The following MIB1 variants were observed in gnomAD, a reference collection of about 807,000 sequenced individuals.
MIB1 encodes the protein E3 ubiquitin-protein ligase MIB1.
A neutral mutation model predicts 124.5 loss-of-function variants in MIB1; 278 were observed. The ratio of observed to expected loss-of-function variants is 2.23; its 90% CI spans 2.02 to 2.47. MIB1 has a LOEUF of 2.47. MIB1 is among the 30% of genes most tolerant of loss of function. MIB1 has a pLI of 0.00. For missense variants in MIB1, 957 were observed against 1,254.4 expected (o/e 0.76, Z 3.58); for synonymous variants, 446 against 429.4 (o/e 1.04, Z -0.48).
chr18:21,775,617 G>A (rs959062773), intron 4 of MIB1, among the ~76,000 whole-genome samples: 1 of 152,128 alleles, frequency 6.6e-6, no homozygotes, highest in Admixed American at 6.5e-5. Flanking sequence ...TTTTATTATT[G>A]TATATAGCAG....
intron 12 of MIB1, among the ~76,000 whole-genome samples, chr18:21,821,410 C>CTAT (rs1477804063): frequency 6.6e-6 from 1 of 152,092 alleles, no homozygotes; most frequent in East Asian, 1.9e-4. Context: ...TGCCCATCGT[C>CTAT]TATTCTCCTT....
intron 5 of MIB1, 111 bp downstream of exon 5, chr18:21,778,280 A>T: frequency 1.4e-6 from 1 of 706,954 alleles, no homozygotes; most frequent in Non-Finnish European, 2.3e-6. Flanking sequence ...AGTTACTTAG[A>T]GAAAAAATTT....
intron 8 of MIB1, among the ~76,000 whole-genome samples, chr18:21,798,497 T>G (rs985901717): frequency 6.6e-6 from 1 of 152,146 alleles, no homozygotes; most frequent in Non-Finnish European, 1.5e-5. Context: ...CAGGGGATTT[T>G]CCACATCAAA....
chr18:21,733,712 T>C (rs1156455055), intron 1 of MIB1, among the ~76,000 whole-genome samples: 1 of 152,202 alleles, frequency 6.6e-6, no homozygotes. Context: ...TTTTCTTTTT[T>C]CTTTTTTTTT....
chr18:21,714,924 GC>G (rs1378653186), intron 1 of MIB1, among the ~76,000 whole-genome samples: 1 of 152,190 alleles, frequency 6.6e-6, no homozygotes, highest in Non-Finnish European at 1.5e-5. Flanking sequence ...TCATGAAAAG[GC>G]AGTAAATTGG....
chr18:21,748,817 C>T (rs1224277739), intron 1 of MIB1, among the ~76,000 whole-genome samples: 1 of 149,542 alleles, frequency 6.7e-6, no homozygotes, highest in Admixed American at 6.7e-5. Context: ...ATTGCAACCT[C>T]GAATTCTTGG....
chr18:21,834,986 A>G (rs957711483), intron 12 of MIB1, among the ~76,000 whole-genome samples: 5 of 152,336 alleles, frequency 3.3e-5, no homozygotes, highest in Middle Eastern at 3.4e-3. Context: ...TAAATCTAAC[A>G]TTGCTTTAAA....
intron 4 of MIB1, among the ~76,000 whole-genome samples, chr18:21,775,348 TC>T (rs1281524232): frequency 2.0e-5 from 3 of 152,064 alleles, no homozygotes; most frequent in Non-Finnish European, 2.9e-5. Context: ...CAAACAAACC[TC>T]CCACCTCAAC....
At chr18:21,857,591 C>G (rs540769325) in intron 19 of MIB1, among the ~76,000 whole-genome samples, 1 of 152,296 alleles carries the variant, frequency 6.6e-6, no homozygotes, top group South Asian at 2.1e-4. Flanking sequence ...ATTTATTTTT[C>G]AGTTTACTGA....
chr18:21,835,177 A>G (rs2042015434), intron 12 of MIB1, among the ~76,000 whole-genome samples: 1 of 152,212 alleles, frequency 6.6e-6, no homozygotes, highest in South Asian at 2.1e-4. Context: ...AAGTGTATTA[A>G]AGGCAGGGAA....
chr18:21,716,751 C>T (rs1180835050), intron 1 of MIB1, among the ~76,000 whole-genome samples: 1 of 152,110 alleles, frequency 6.6e-6, no homozygotes, highest in Non-Finnish European at 1.5e-5. Context: ...ACGCAGGAGG[C>T]TGAGGCAGGA....
rs199676571 is a variant in MIB1 at position 21,768,696 on chromosome 18, C to T, written c.475C>T (p.Arg159Ter). The change falls in exon 3 of 21, where the codon CGA becomes TGA. Residue 159 changes from arginine (R) to a stop codon, truncating the protein, a stop_gained. Coordinates refer to ENST00000261537, the MANE Select transcript of MIB1 (RefSeq NM_020774.4). LOFTEE classifies it high-confidence loss of function. ...RGIFAGARVV[R>*]GVDWQWEDQD... The stretch of plus-strand genomic sequence containing the variant: ...AATCTTTGCAGGTGCCAGAGTGGTG[C>T]GAGGAGTGGACTGGCAGTGGGAAGA... The T allele has an allele frequency of 3.2e-5, 51 of 1,609,610 alleles. No individual in the cohort carries two copies. Among genetic ancestry groups the T allele is most frequent in the Admixed American group, 6.7e-5 (4 of 59,566 alleles).
At chr18:21,815,588 T>C in intron 10 of MIB1, 28 bp from the exon 11 acceptor site, 1 of 1,580,168 alleles carries the variant, frequency 6.3e-7, no homozygotes, top group Non-Finnish European at 8.7e-7. Flanking sequence ...AAATATTCAC[T>C]AATTCACATT....
chr18:21,846,895 T>G (rs1480827206), intron 15 of MIB1, 49 bp from the exon 16 acceptor site: 3 of 1,560,708 alleles, frequency 1.9e-6, no homozygotes, highest in Non-Finnish European at 2.6e-6. Context: ...TGACAAGAAT[T>G]GATGGCAGAT....
At chr18:21,845,706 C>T (rs1000889193) in intron 15 of MIB1, among the ~76,000 whole-genome samples, 3 of 152,036 alleles carry the variant, frequency 2.0e-5, no homozygotes, top group South Asian at 4.1e-4. Flanking sequence ...ACACTGCAAC[C>T]TCTGCCTCCT....
chr18:21,747,673 G>A (rs1348868814), intron 1 of MIB1, among the ~76,000 whole-genome samples: 1 of 152,094 alleles, frequency 6.6e-6, no homozygotes, highest in Non-Finnish European at 1.5e-5. Flanking sequence ...TCTAATATAT[G>A]TACTTTTTGT....
At chr18:21,751,160 T>C (rs2959531) in intron 1 of MIB1, among the ~76,000 whole-genome samples, 9,934 of 152,064 alleles carry the variant, frequency 0.065, 669 homozygotes, top group African/African-American at 0.17. Context: ...TGAGATCATG[T>C]TACTGCACTC....
chr18:21,740,800 C>A lies in MIB1; in HGVS notation c.-784C>A, dbSNP rs1478628426. On this transcript the variant is annotated 5_prime_UTR_variant, in exon 1 of 21. In the 5' UTR this introduces an upstream ATG that the reference lacks. Coordinates refer to ENST00000261537, the MANE Select transcript of MIB1 (RefSeq NM_020774.4). ...CGCGCATGCGCACTCTCCTTGGACC[C>A]TGGAGAGACGCTTAGGGATCAGTTT... Among the ~76,000 whole-genome samples the A allele has an allele frequency of 1.3e-5, 2 of 151,942 alleles. No homozygotes were observed. Among genetic ancestry groups the A allele is most frequent in the Non-Finnish European group, 2.9e-5 (2 of 68,028 alleles).
At chr18:21,852,995 G>C in intron 17 of MIB1, 145 bp from the exon 18 acceptor site, 1 of 598,548 alleles carries the variant, frequency 1.7e-6, no homozygotes, top group East Asian at 2.8e-5. Context: ...CAGGAAAGTA[G>C]AGGATGGGAG....
Sources: gnomAD v4.1 joint callset for allele counts (sites outside exome capture counted in the v4.1 genomes callset) on GRCh38, gnomAD v4.1.1 for gene constraint, MANE v1.5 for transcripts, NCBI Gene and HGNC (gene_info 2026-07-23, HGNC 2026-07-21) for gene names.